The following CYP3A5 variants were observed in gnomAD, a reference collection of about 807,000 sequenced individuals.
CYP3A5 encodes cytochrome P450 family 3 subfamily A member 5, also known as cytochrome P450 3A5.
CYP3A5 carries 51 observed loss-of-function variants against 55.9 expected under a neutral mutation model. The ratio of observed to expected loss-of-function variants is 0.91; its 90% CI spans 0.73 to 1.15. The LOEUF is 1.15. Among genes scored for constraint, CYP3A5 ranks in the 50% most tolerant of loss-of-function variants. The pLI is 0.00. For synonymous variants in CYP3A5, 196 were observed against 213.9 expected (o/e 0.92, Z 0.73); for missense variants, 533 against 596.6 (o/e 0.89, Z 1.11).
At chr7:99,673,185 A>C (rs1811852568) in intron 3 of CYP3A5, among the ~76,000 whole-genome samples, 1 of 152,186 alleles carries the variant, frequency 6.6e-6, no homozygotes, top group Non-Finnish European at 1.5e-5. Context: ...CTACTAAGTC[A>C]TGTTGCCTGT....
chr7:99,678,411 C>A (rs1812503620), intron 1 of CYP3A5, among the ~76,000 whole-genome samples: 1 of 152,194 alleles, frequency 6.6e-6, no homozygotes, highest in Non-Finnish European at 1.5e-5. Flanking sequence ...TTGCTTACTC[C>A]CCTGTCCTGA....
chr7:99,670,084 A>T (rs371979451), intron 4 of CYP3A5, among the ~76,000 whole-genome samples: 2 of 152,232 alleles, frequency 1.3e-5, no homozygotes, highest in South Asian at 2.1e-4. Flanking sequence ...AAAAGTATGG[A>T]TGCTGACTCT....
chr7:99,661,216 A>T (rs1008481927), intron 9 of CYP3A5, among the ~76,000 whole-genome samples: 5 of 152,198 alleles, frequency 3.3e-5, no homozygotes. Context: ...TGTTTCATGG[A>T]CCAGCAGCAC....
At chr7:99,661,759 A>G (rs1410052446) in intron 9 of CYP3A5, among the ~76,000 whole-genome samples, 4 of 152,212 alleles carry the variant, frequency 2.6e-5, no homozygotes, top group African/African-American at 9.6e-5. Flanking sequence ...TCAACCATCC[A>G]ATTATTTTAC....
intron 10 of CYP3A5, among the ~76,000 whole-genome samples, chr7:99,656,292 G>T (rs756963735): frequency 2.3e-4 from 35 of 152,128 alleles, no homozygotes; most frequent in Admixed American, 2.2e-3. Flanking sequence ...TAGCATGAAG[G>T]GCTGTTGAAT....
At position 99,652,662 on chromosome 7, in the gene CYP3A5, C is replaced by T; in HGVS notation, c.1144G>A (p.Glu382Lys). ...TTGGGAATGAATACCCCATTGATTT[C>T]AACATCTTTCTTGCAAGTCCTCTCA... ...RLERTCKKDV[E>K]INGVFIPKGS... The change falls in exon 11 of 13, where the codon GAA (glutamate) becomes AAA (lysine). Residue 382 changes from glutamate (E) to lysine (K), a missense_variant. Transcript: ENST00000222982. The T allele has an allele frequency of 6.2e-7, 1 of 1,614,116 alleles. No individual in the cohort carries two copies. Among genetic ancestry groups the T allele is most frequent in the South Asian group, 1.1e-5 (1 of 91,080 alleles).
At chr7:99,674,936 C>A (rs1347589711) in intron 2 of CYP3A5, among the ~76,000 whole-genome samples, 1 of 152,212 alleles carries the variant, frequency 6.6e-6, no homozygotes, top group Admixed American at 6.5e-5. Context: ...AGGGGTGAAA[C>A]TGAGGTGAGG....
chr7:99,661,431 C>G, intron 9 of CYP3A5, among the ~76,000 whole-genome samples: 1 of 152,192 alleles, frequency 6.6e-6, no homozygotes, highest in East Asian at 1.9e-4. Context: ...ATGTACAAGA[C>G]AGCAGAGATA....
chr7:99,662,876 G>A lies in CYP3A5; in HGVS notation c.805C>T (p.Leu269=), dbSNP rs28365096. ...TCAATCATCAGCTGAAGGAAATCTA[G>A]TCGGTGCTAGAAGCAAAAGGAGAGA... ...SRLNDKQKHR[L]DFLQLMIDSQ... Residue 269 remains leucine (L), a synonymous_variant, in exon 9 of 13, where the codon CTA becomes TTA. Transcript: ENST00000222982. This position sits in a 1 kb window ranked among gnomAD's most constrained non-coding sequence, Gnocchi z 4.3. 1.8e-5 allele frequency: 29 copies of A among 1,613,842 alleles called. No homozygotes were observed. The East Asian group carries it at 5.3e-4, about 30-fold the overall frequency.
At chr7:99,664,516 A>G (rs1810784764) in intron 7 of CYP3A5, among the ~76,000 whole-genome samples, 1 of 152,220 alleles carries the variant, frequency 6.6e-6, no homozygotes, top group Non-Finnish European at 1.5e-5. Context: ...AGAAATCAAT[A>G]AGGGAAAGAA....
intron 12 of CYP3A5, among the ~76,000 whole-genome samples, chr7:99,649,147 G>A (rs1261750141): frequency 6.6e-6 from 1 of 152,128 alleles, no homozygotes; most frequent in African/African-American, 2.4e-5. Context: ...CTGAGAGCTT[G>A]CCAGGGAATA....
chr7:99,664,928 G>A (rs1432779714), intron 7 of CYP3A5, among the ~76,000 whole-genome samples: 1 of 152,182 alleles, frequency 6.6e-6, no homozygotes, highest in East Asian at 1.9e-4. Flanking sequence ...GCAGAAAGTT[G>A]ATTATTGGAT....
intron 1 of CYP3A5, chr7:99,676,624 G>A: frequency 8.6e-7 from 1 of 1,167,620 alleles, no homozygotes; most frequent in Non-Finnish European, 1.2e-6. Flanking sequence ...CTGATGATGA[G>A]ATTTTGCATC....
chr7:99,666,995 C>T lies in CYP3A5; in HGVS notation c.389G>A (p.Arg130Gln), dbSNP rs758037875. Reference protein sequence around the residue: ...LAEDEEWKRIRSLLSPTFTSG... With the variant: ...LAEDEEWKRIQSLLSPTFTSG... The stretch of plus-strand genomic sequence containing the variant: ...GGTGAAGGTTGGAGACAGCAATGAC[C>T]GTATTCTCTTCCATTCTTCATCCTC... The change falls in exon 5 of 13, where the codon CGG becomes CAG. Residue 130 changes from arginine (R) to glutamine (Q), a missense_variant. Physicochemically the swap from Arg to Gln is conservative, Grantham distance 43. Coordinates refer to ENST00000222982, the MANE Select transcript of CYP3A5 (RefSeq NM_000777.5). 24 of 1,613,938 alleles carry T rather than the reference C, an allele frequency of 1.5e-5. No individual in the cohort carries two copies. The highest frequency in any genetic ancestry group is 6.7e-5 in the Admixed American group (4 of 59,998).
At chr7:99,678,057 T>C (rs995263260) in intron 1 of CYP3A5, among the ~76,000 whole-genome samples, 1 of 152,214 alleles carries the variant, frequency 6.6e-6, no homozygotes, top group Non-Finnish European at 1.5e-5. Flanking sequence ...ATCTATTGCA[T>C]GTAATTGTGT....
At chr7:99,669,494 G>A (rs530216154) in intron 4 of CYP3A5, among the ~76,000 whole-genome samples, 1 of 152,306 alleles carries the variant, frequency 6.6e-6, no homozygotes, top group Admixed American at 6.5e-5. Flanking sequence ...TCTGGAAGAT[G>A]TGGTAGATAT....
Position 99,665,276 on chromosome 7 carries a change from G to A in CYP3A5, c.560C>T (p.Thr187Ile), listed in dbSNP as rs1450180572. Residue 187 changes from threonine to isoleucine, a missense_variant, in exon 7 of 13, where the codon ACA (threonine) becomes ATA (isoleucine). Thr to Ile is a moderately conservative substitution (Grantham distance 89). Coordinates refer to ENST00000222982, the MANE Select transcript of CYP3A5 (RefSeq NM_000777.5). ...GAYSMDVITG[T>I]SFGVNIDSLN... ...AGAGTCGATGTTCACTCCAAATGAT[G>A]TGCCAGTAATCACATCCATGCTGTA... is the stretch of plus-strand genomic sequence containing the variant. 4 of 1,613,986 alleles carry A rather than the reference G, an allele frequency of 2.5e-6. No individual in the cohort carries two copies. The highest frequency in any genetic ancestry group is 3.4e-6 in the Non-Finnish European group (4 of 1,179,974).
chr7:99,648,622 C>G (rs1397815133), intron 12 of CYP3A5, among the ~76,000 whole-genome samples: 1 of 151,180 alleles, frequency 6.6e-6, no homozygotes, highest in Non-Finnish European at 1.5e-5. Context: ...TTATGGAGCA[C>G]TGACTCTGTG....
intron 10 of CYP3A5, chr7:99,659,182 G>C (rs1169887767): frequency 6.6e-6 from 1 of 152,172 alleles, no homozygotes; most frequent in Non-Finnish European, 1.5e-5. Context: ...CAGTTTTTCT[G>C]CTGTTTTTCC....
Sources: gnomAD v4.1 joint callset for allele counts (sites outside exome capture counted in the v4.1 genomes callset) on GRCh38, gnomAD v4.1.1 for gene constraint, Gnocchi (gnomAD v3.1) non-coding constraint, MANE v1.5 for transcripts, NCBI Gene and HGNC (gene_info 2026-07-23, HGNC 2026-07-21) for gene names.